The following CNTNAP1 variants were observed in gnomAD, a reference collection of about 807,000 sequenced individuals.
CNTNAP1 encodes contactin-associated protein 1.
Under a neutral mutation model 161.5 loss-of-function variants are expected in CNTNAP1, and 80 were observed. That is an observed-to-expected ratio of 0.50 (90% CI 0.41 to 0.60). The LOEUF is 0.60. Among genes scored for constraint, CNTNAP1 ranks in the 20% least tolerant of loss-of-function variants. The pLI, the probability that CNTNAP1 is intolerant of heterozygous loss-of-function variation, is 0.00. For synonymous variants in CNTNAP1, 695 were observed against 733.1 expected (o/e 0.95, Z 0.84); for missense variants, 1,464 against 1,854.8 (o/e 0.79, Z 3.87).
At chr17:42,698,455 G>A (rs1030621010) in intron 23 of CNTNAP1, among the ~76,000 whole-genome samples, 163 bp from the exon 24 acceptor site, 1 of 150,346 alleles carries the variant, frequency 6.7e-6, no homozygotes, top group Non-Finnish European at 1.5e-5. Context: ...ATGTGTGTGT[G>A]TGTGTGTGTG....
chr17:42,697,089 G>A (rs2053160669), intron 20 of CNTNAP1, among the ~76,000 whole-genome samples, 185 bp from the exon 21 acceptor site: 1 of 151,912 alleles, frequency 6.6e-6, no homozygotes, highest in South Asian at 2.1e-4. Flanking sequence ...AGGCCCAGGG[G>A]TTGCCCACTT....
chr17:42,692,549 C>G lies in CNTNAP1; in HGVS notation c.2581C>G (p.Leu861Val), dbSNP rs1193628928. ...AFDVGNGDEN[L>V]TVHSDDFEFN... ...TGATGTGGGGAATGGGGATGAGAAC[C>G]TCACAGTACACTCAGACGACTTTGA... Residue 861 changes from leucine (L) to valine (V), a missense_variant, in exon 17 of 24, where the codon CTC (leucine) becomes GTC (valine). By Grantham distance (32) the Leu-to-Val change is conservative. Coordinates refer to ENST00000264638, the MANE Select transcript of CNTNAP1 (RefSeq NM_003632.3). 8 of 1,614,190 alleles carry G rather than the reference C, an allele frequency of 5.0e-6. No individual in the cohort carries two copies. Among genetic ancestry groups the G allele is most frequent in the Non-Finnish European group, 6.8e-6 (8 of 1,180,040 alleles).
At chr17:42,688,339 G>A in intron 8 of CNTNAP1, 123 bp from the exon 9 acceptor site, 1 of 1,312,364 alleles carries the variant, frequency 7.6e-7, no homozygotes. Context: ...TGTGAGAAGT[G>A]TAATCACGGG....
chr17:42,691,624 G>T lies in CNTNAP1; in HGVS notation c.2344+113G>T. ...CTGGGGTGCCCGACCCCCAGCTCCT[G>T]CTGTGATGCGATCTCATTACCCCTC... On this transcript the variant is annotated intron_variant, in intron 15 of 23. Coordinates refer to ENST00000264638, the MANE Select transcript of CNTNAP1 (RefSeq NM_003632.3). This position sits in a 1 kb window ranked among gnomAD's most constrained non-coding sequence, Gnocchi z 4.3. The T allele has an allele frequency of 1.4e-6, 2 of 1,481,140 alleles. No individual in the cohort carries two copies. The highest frequency in any genetic ancestry group is 9.2e-7 in the Non-Finnish European group (1 of 1,083,782). 91.7% of individuals were successfully genotyped at this position (1,481,140 alleles called of 1,614,324 possible). A position where few individuals can be genotyped will look rare whatever the true frequency, so the allele number is the denominator to read the frequency against.
chr17:42,693,669 GT>G, intron 18 of CNTNAP1, 133 bp downstream of exon 18: 1 of 1,334,174 alleles, frequency 7.5e-7, no homozygotes, highest in Non-Finnish European at 1.0e-6. Context: ...TGAGCTCTGA[GT>G]TTGGGGAGTT....
chr17:42,695,480 G>T, intron 18 of CNTNAP1, 41 bp from the exon 19 acceptor site: 2 of 1,468,360 alleles, frequency 1.4e-6, no homozygotes, highest in South Asian at 1.2e-5. Context: ...ATTGGGGAGT[G>T]AGCAGTGTGG....
At chr17:42,694,584 C>T (rs1186980395) in intron 18 of CNTNAP1, among the ~76,000 whole-genome samples, 8 of 150,790 alleles carry the variant, frequency 5.3e-5, no homozygotes, top group South Asian at 2.1e-4. Context: ...GAGCTATGAT[C>T]GTGCCACTGC....
intron 1 of CNTNAP1, chr17:42,683,566 TAGC>T: frequency 7.4e-7 from 1 of 1,351,204 alleles, no homozygotes. Flanking sequence ...GGTATTGGGC[TAGC>T]TAGGGAGGGT....
At chr17:42,693,612 G>C in intron 18 of CNTNAP1, 76 bp downstream of exon 18, 1 of 1,563,100 alleles carries the variant, frequency 6.4e-7, no homozygotes, top group Non-Finnish European at 8.7e-7. Context: ...GAAGGAAATA[G>C]CATGTAAAGC....
intron 1 of CNTNAP1, chr17:42,683,438 T>A (rs2052963623): frequency 5.5e-6 from 6 of 1,093,268 alleles, no homozygotes; most frequent in Non-Finnish European, 4.5e-6. Flanking sequence ...GGTGCAGGTT[T>A]TGGGGGCCGA....
intron 8 of CNTNAP1, 135 bp downstream of exon 8, chr17:42,688,116 G>T: frequency 7.6e-7 from 1 of 1,312,374 alleles, no homozygotes; most frequent in South Asian, 1.5e-5. Context: ...GAGGCCCCAG[G>T]GTACTGGGAA....
chr17:42,688,079 G>A, intron 8 of CNTNAP1, 98 bp downstream of exon 8: 3 of 1,500,474 alleles, frequency 2.0e-6, no homozygotes, highest in Non-Finnish European at 2.7e-6. Context: ...TTCTGGAGAG[G>A]GGAGAGGAGT....
chr17:42,693,575 G>A (rs542870371), intron 18 of CNTNAP1, 39 bp downstream of exon 18: 4 of 1,598,638 alleles, frequency 2.5e-6, no homozygotes, highest in South Asian at 1.1e-5. Context: ...GGAGCCATAG[G>A]GTGTAATGGG....
chr17:42,691,317 T>C lies in CNTNAP1; in HGVS notation c.2216+24T>C, dbSNP rs1463381427. ...TGGTGAGGGGGCAAAGGGACAGGGT[T>C]TTTAGGACTCCGGGAGTGGGAGGAG... is the stretch of plus-strand genomic sequence containing the variant. On this transcript the variant is annotated intron_variant, in intron 14 of 23. Transcript: ENST00000264638. This position sits in a 1 kb window ranked among gnomAD's most constrained non-coding sequence, Gnocchi z 4.3. 6.2e-7 allele frequency: 1 copy of C among 1,613,982 alleles called. No homozygotes were observed.
chr17:42,688,598 A>C lies in CNTNAP1; in HGVS notation c.1443A>C (p.Ser481=). The C allele has an allele frequency of 6.2e-7, 1 of 1,614,072 alleles. No individual in the cohort carries two copies. The highest frequency in any genetic ancestry group is 8.5e-7 in the Non-Finnish European group (1 of 1,180,006). The change falls in exon 9 of 24, where the codon TCA becomes TCC. Residue 481 remains serine (S), a synonymous_variant. Transcript: ENST00000264638. ...SYPLLIRTGT[S]YFFGGCPKPA... Reference sequence around the variant, plus strand: ...CGTTGCTGATCCGGACAGGGACCTCATATTTCTTTGGGGGTAAGTGGGGGC... The same window carrying C: ...CGTTGCTGATCCGGACAGGGACCTCCTATTTCTTTGGGGGTAAGTGGGGGC...
intron 18 of CNTNAP1, among the ~76,000 whole-genome samples, chr17:42,693,985 C>T (rs765867243): frequency 2.6e-5 from 4 of 151,970 alleles, no homozygotes; most frequent in Admixed American, 1.3e-4. Flanking sequence ...CTCAGCCTCC[C>T]GAGTAGCTAG....
rs779018831 is a variant in CNTNAP1 at position 42,685,192 on chromosome 17, G to A, written c.512-25G>A. 2.0e-5 allele frequency: 32 copies of A among 1,612,080 alleles called. No homozygotes were observed. On this transcript the variant is annotated intron_variant, in intron 4 of 23. Coordinates refer to ENST00000264638, the MANE Select transcript of CNTNAP1 (RefSeq NM_003632.3). The surrounding 1 kb of genome is among the most constrained non-coding windows in gnomAD (Gnocchi z 5.0). The stretch of plus-strand genomic sequence containing the variant: ...CTGGGAGACAGCCTCCCCAGTTCCC[G>A]GCCCACCTACGGTCCTTTGCGCAGA...
chr17:42,690,917 CA>C lies in CNTNAP1; in HGVS notation c.2036del (p.Asn679IlefsTer68). 1.2e-6 allele frequency: 2 copies of C among 1,614,192 alleles called. No homozygotes were observed. Among genetic ancestry groups the C allele is most frequent in the Non-Finnish European group, 1.7e-6 (2 of 1,180,040 alleles). Reference sequence around the variant, plus strand: ...AACAGTGGATCGAGTTCTCCTGCTACAATTCCCGGCTGCTCAACACTGCAGG... The same window carrying C: ...AACAGTGGATCGAGTTCTCCTGCTACATTCCCGGCTGCTCAACACTGCAGG... ...CEQWIEFSCY[N>X]SRLLNTAGGY... On this transcript the variant is annotated frameshift_variant, in exon 13 of 24. Coordinates refer to ENST00000264638, the MANE Select transcript of CNTNAP1 (RefSeq NM_003632.3). LOFTEE classifies it high-confidence loss of function.
Position 42,682,640 on chromosome 17 carries a change from G to A in CNTNAP1, c.-190G>A. ...AGAGCGGAGGACCAGGAACCAGAGAGAGAGAGAGAGAAAAGAGAGAGGAGA... is the reference window on the plus strand; with the variant it reads ...AGAGCGGAGGACCAGGAACCAGAGAAAGAGAGAGAGAAAAGAGAGAGGAGA... On this transcript the variant is annotated 5_prime_UTR_variant, in exon 1 of 24. Coordinates refer to ENST00000264638, the MANE Select transcript of CNTNAP1 (RefSeq NM_003632.3). The A allele has an allele frequency of 1.6e-6, 1 of 615,374 alleles. No individual in the cohort carries two copies. Among genetic ancestry groups the A allele is most frequent in the Non-Finnish European group, 2.9e-6 (1 of 345,096 alleles). 38.1% of individuals were successfully genotyped at this position (615,374 alleles called of 1,614,324 possible). A position where few individuals can be genotyped will look rare whatever the true frequency, so the allele number is the denominator to read the frequency against.
Sources: allele counts gnomAD v4.1 joint callset (sites outside exome capture counted in the v4.1 genomes callset), GRCh38; gene constraint gnomAD v4.1.1; non-coding constraint Gnocchi (gnomAD v3.1); transcripts MANE v1.5; gene names NCBI Gene and HGNC (gene_info 2026-07-23, HGNC 2026-07-21).